PTPRT: variants seen among roughly 807,000 people sequenced by gnomAD.
PTPRT encodes the protein protein tyrosine phosphatase receptor type T.
PTPRT carries 56 observed loss-of-function variants against 176.8 expected under a neutral mutation model. The observed-to-expected ratio is 0.32, with a 90% CI of 0.26 to 0.40. The LOEUF is 0.40. Ranked by LOEUF, PTPRT falls within the 10% of genes least tolerant of loss-of-function variation. The pLI is 1.00. For missense variants in PTPRT, 1,540 were observed against 1,908.2 expected (o/e 0.81, Z 3.60); for synonymous variants, 783 against 739.0 (o/e 1.06, Z -0.96).
intron 6 of PTPRT, among the ~76,000 whole-genome samples, chr20:42,751,465 T>C (rs116888506): frequency 0.022 from 3,276 of 152,284 alleles, 75 homozygotes; most frequent in Non-Finnish European, 0.029. Context: ...TATTAAGTGT[T>C]AACTTGGTTG....
intron 7 of PTPRT, among the ~76,000 whole-genome samples, chr20:42,565,291 G>A (rs1460541614): frequency 1.3e-5 from 2 of 152,136 alleles, no homozygotes; most frequent in East Asian, 1.9e-4. Flanking sequence ...GCTTCTGTCC[G>A]CCTAGGTGCA....
At chr20:42,815,588 T>G (rs1339995182) in intron 2 of PTPRT, among the ~76,000 whole-genome samples, 1 of 152,190 alleles carries the variant, frequency 6.6e-6, no homozygotes, top group Non-Finnish European at 1.5e-5. Flanking sequence ...AAGCCTGATA[T>G]TAAGATAAAA....
intron 14 of PTPRT, among the ~76,000 whole-genome samples, chr20:42,237,185 C>T (rs1391077142): frequency 6.6e-6 from 1 of 152,168 alleles, no homozygotes; most frequent in South Asian, 2.1e-4. Context: ...AAGCTCTGCC[C>T]AAAGTGAAGA....
chr20:42,923,803 T>C (rs1047739684), intron 1 of PTPRT, among the ~76,000 whole-genome samples: 1 of 152,110 alleles, frequency 6.6e-6, no homozygotes, highest in African/African-American at 2.4e-5. Flanking sequence ...GCGTCATCAA[T>C]ACCCTATCCA....
At chr20:42,607,344 T>C (rs1569012915) in intron 7 of PTPRT, 1 of 152,194 alleles carries the variant, frequency 6.6e-6, no homozygotes. Context: ...GTATATTTTA[T>C]GTTACCTGTA....
chr20:42,419,533 G>C (rs1164502720), intron 9 of PTPRT, among the ~76,000 whole-genome samples: 1 of 152,108 alleles, frequency 6.6e-6, no homozygotes, highest in Non-Finnish European at 1.5e-5. Context: ...GTACTTTCTG[G>C]CATGTGGTTT....
At chr20:42,777,611 C>A (rs1210614355) in intron 4 of PTPRT, among the ~76,000 whole-genome samples, 1 of 152,192 alleles carries the variant, frequency 6.6e-6, no homozygotes. Context: ...TAATCAAACA[C>A]CATGAGTACA....
intron 1 of PTPRT, among the ~76,000 whole-genome samples, chr20:43,083,044 T>C (rs2011481883): frequency 6.6e-6 from 1 of 151,984 alleles, no homozygotes; most frequent in Admixed American, 6.6e-5. Flanking sequence ...GAGATGGATT[T>C]GAGACTGATC....
chr20:42,235,807 C>G (rs901943638), intron 15 of PTPRT, among the ~76,000 whole-genome samples: 3 of 152,114 alleles, frequency 2.0e-5, no homozygotes, highest in Non-Finnish European at 2.9e-5. Flanking sequence ...CCAATGAATA[C>G]CTTTCTAAAC....
chr20:42,560,592 C>T (rs2072937346), intron 7 of PTPRT, among the ~76,000 whole-genome samples: 1 of 152,126 alleles, frequency 6.6e-6, no homozygotes, highest in Non-Finnish European at 1.5e-5. Context: ...CTATAGACGG[C>T]CCTTTCATTT....
At chr20:43,091,464 CCT>C (rs1395177006) in intron 1 of PTPRT, among the ~76,000 whole-genome samples, 6 of 143,306 alleles carry the variant, frequency 4.2e-5, no homozygotes, top group Admixed American at 6.8e-5. Context: ...CTCTCTCCCC[CCT>C]CTCTTTCTCT....
chr20:42,881,003 G>C (rs1174662947), intron 2 of PTPRT, among the ~76,000 whole-genome samples: 1 of 152,174 alleles, frequency 6.6e-6, no homozygotes, highest in Non-Finnish European at 1.5e-5. Flanking sequence ...GGCCTGTCAG[G>C]ACCCACAGTA....
At chr20:42,240,718 C>CCATCCATCCATCCAT (rs1355957406) in intron 14 of PTPRT, among the ~76,000 whole-genome samples, 90 of 46,112 alleles carry the variant, frequency 2.0e-3, no homozygotes, top group African/African-American at 3.8e-3. Flanking sequence ...ATCCATCCAT[C>CCATCCATCCATCCAT]CCATCCATCC....
intron 12 of PTPRT, among the ~76,000 whole-genome samples, chr20:42,307,377 T>C (rs776503011): frequency 1.3e-5 from 2 of 152,190 alleles, no homozygotes; most frequent in Non-Finnish European, 2.9e-5. Flanking sequence ...ATTTCAAATA[T>C]ATAGCAGAAG....
intron 1 of PTPRT, among the ~76,000 whole-genome samples, chr20:43,040,806 G>C (rs1986574410): frequency 6.6e-6 from 1 of 152,188 alleles, no homozygotes. Flanking sequence ...TTCAAAAGCT[G>C]TGTCTCCCTG....
intron 1 of PTPRT, among the ~76,000 whole-genome samples, chr20:43,103,829 T>C (rs1184356404): frequency 2.0e-5 from 3 of 151,836 alleles, no homozygotes; most frequent in Non-Finnish European, 2.9e-5. Context: ...AAAAAAACAC[T>C]GATATAATGT....
intron 7 of PTPRT, among the ~76,000 whole-genome samples, chr20:42,518,295 A>C (rs2072106213): frequency 6.6e-6 from 1 of 151,994 alleles, no homozygotes; most frequent in Admixed American, 6.6e-5. Flanking sequence ...GACTCCTATA[A>C]ACAGCATAAA....
chr20:42,410,939 G>A (rs1165132809), intron 9 of PTPRT, among the ~76,000 whole-genome samples: 3 of 152,082 alleles, frequency 2.0e-5, no homozygotes, highest in African/African-American at 7.2e-5. Flanking sequence ...GTACTTAGAG[G>A]TAAATTTATG....
downstream of PTPRT, among the ~76,000 whole-genome samples, chr20:42,070,626 T>C (rs1982283093): frequency 6.6e-6 from 1 of 152,094 alleles, no homozygotes; most frequent in African/African-American, 2.4e-5. Context: ...AACTGTATGC[T>C]GTTAAGTGAG....
Sources: gnomAD v4.1 joint callset for allele counts (sites outside exome capture counted in the v4.1 genomes callset) on GRCh38, gnomAD v4.1.1 for gene constraint, MANE v1.5 for transcripts, NCBI Gene and HGNC (gene_info 2026-07-23, HGNC 2026-07-21) for gene names.